PTPRG: variants seen among roughly 807,000 people sequenced by gnomAD.
The protein encoded by PTPRG is receptor-type tyrosine-protein phosphatase gamma.
Under a neutral mutation model 165.3 loss-of-function variants are expected in PTPRG, and 102 were observed. The ratio of observed to expected loss-of-function variants is 0.62; its 90% confidence interval spans 0.53 to 0.73. The LOEUF (loss-of-function observed/expected upper bound fraction) is 0.73. PTPRG is among the 30% of genes least tolerant of loss of function. PTPRG has a pLI of 0.00. For synonymous variants in PTPRG, 675 were observed against 669.5 expected (o/e 1.01, Z -0.13); for missense variants, 1,866 against 1,861.4 (o/e 1.00, Z -0.05).
At chr3:62,196,795 T>A (rs902931168) in intron 10 of PTPRG, among the ~76,000 whole-genome samples, 4 of 152,150 alleles carry the variant, frequency 2.6e-5, no homozygotes, top group African/African-American at 9.7e-5. Context: ...GCTTTTTGAG[T>A]TACAAATCTG....
intron 1 of PTPRG, among the ~76,000 whole-genome samples, chr3:61,647,791 CAAAAAAAA>C (rs58020589): frequency 2.5e-4 from 23 of 93,160 alleles, no homozygotes; most frequent in East Asian, 1.4e-3. Flanking sequence ...GACTCCGTCT[CAAAAAAAA>C]AAAAAAAAAA....
At chr3:61,726,052 G>A (rs2106811269) in intron 1 of PTPRG, among the ~76,000 whole-genome samples, 1 of 152,268 alleles carries the variant, frequency 6.6e-6, no homozygotes, top group Admixed American at 6.5e-5. Flanking sequence ...GCTTATGACT[G>A]GCTGGGATGA....
chr3:61,700,372 A>C (rs2030885782), intron 1 of PTPRG, among the ~76,000 whole-genome samples: 2 of 152,214 alleles, frequency 1.3e-5, no homozygotes. Context: ...AATGTTCCAC[A>C]GTAAGATTTC....
chr3:61,767,105 G>A (rs772057764), intron 2 of PTPRG, among the ~76,000 whole-genome samples: 2 of 151,482 alleles, frequency 1.3e-5, no homozygotes, highest in African/African-American at 2.4e-5. Flanking sequence ...TTAGCTGGGC[G>A]TGGTGGTGCA....
chr3:61,692,480 C>T lies in PTPRG; in HGVS notation c.86-56398C>T, dbSNP rs1006577583. ...TTTACAGTTTGGAAATTTTCATGCG[C>T]GTCCGTGTGAAGAGACCACCAAACA... On this transcript the variant is annotated intron_variant, in intron 1 of 29. Coordinates refer to ENST00000474889, the MANE Select transcript of PTPRG (RefSeq NM_002841.4). Among the ~76,000 whole-genome samples the T allele has an allele frequency of 3.9e-5, 6 of 152,232 alleles. 1 individual carries two copies. In the East Asian group the frequency reaches 5.8e-4, roughly 15 times the overall value.
At chr3:62,194,022 A>G (rs1258003767) in intron 9 of PTPRG, among the ~76,000 whole-genome samples, 1 of 151,988 alleles carries the variant, frequency 6.6e-6, no homozygotes, top group Non-Finnish European at 1.5e-5. Context: ...AGGGACCTGG[A>G]TTTGGCTAAT....
intron 8 of PTPRG, among the ~76,000 whole-genome samples, chr3:62,183,735 C>G (rs1172161049): frequency 6.6e-6 from 1 of 151,924 alleles, no homozygotes; most frequent in African/African-American, 2.4e-5. Flanking sequence ...TAGAGAGACC[C>G]GAAGGAGTTG....
chr3:61,633,822 T>C (rs1234085599), intron 1 of PTPRG, among the ~76,000 whole-genome samples: 1 of 152,088 alleles, frequency 6.6e-6, no homozygotes, highest in African/African-American at 2.4e-5. Context: ...TTGAGTATGA[T>C]GTTAGCTGTG....
At chr3:62,052,888 G>A (rs1236612087) in intron 4 of PTPRG, among the ~76,000 whole-genome samples, 1 of 152,120 alleles carries the variant, frequency 6.6e-6, no homozygotes, top group Non-Finnish European at 1.5e-5. Flanking sequence ...TTTACATGTT[G>A]ATAATTGCCT....
chr3:62,284,077 C>T (rs1043266775), intron 28 of PTPRG, among the ~76,000 whole-genome samples: 1 of 151,950 alleles, frequency 6.6e-6, no homozygotes, highest in Non-Finnish European at 1.5e-5. Context: ...TTCTAGAATT[C>T]CTGGGTTTTA....
chr3:62,011,457 A>T (rs893374062), intron 4 of PTPRG, among the ~76,000 whole-genome samples: 1 of 152,152 alleles, frequency 6.6e-6, no homozygotes. Context: ...CTCTTCATGG[A>T]GCGTGGACGT....
At chr3:62,020,972 G>A (rs1040476543) in intron 4 of PTPRG, among the ~76,000 whole-genome samples, 1 of 151,962 alleles carries the variant, frequency 6.6e-6, no homozygotes, top group African/African-American at 2.4e-5. Context: ...ACAGCACCTG[G>A]CCTCATCTAT....
At chr3:61,653,507 A>G (rs1702418361) in intron 1 of PTPRG, among the ~76,000 whole-genome samples, 1 of 151,500 alleles carries the variant, frequency 6.6e-6, no homozygotes, top group Non-Finnish European at 1.5e-5. Context: ...GTCCTCACGT[A>G]TTTATGTACA....
chr3:61,653,899 TGGGG>T (rs376056152), intron 1 of PTPRG, among the ~76,000 whole-genome samples: 1 of 146,320 alleles, frequency 6.8e-6, no homozygotes, highest in East Asian at 2.1e-4. Context: ...CGGGGAGCGG[TGGGG>T]GGCGCGGGGA....
intron 2 of PTPRG, among the ~76,000 whole-genome samples, chr3:61,979,767 A>C (rs2040595580): frequency 6.6e-6 from 1 of 152,202 alleles, no homozygotes; most frequent in Non-Finnish European, 1.5e-5. Context: ...ATAGCATTTA[A>C]TAGTTAATAT....
intron 1 of PTPRG, among the ~76,000 whole-genome samples, chr3:61,627,103 A>ATT (rs11411048): frequency 0.011 from 1,578 of 150,042 alleles, 29 homozygotes; most frequent in African/African-American, 0.032. Flanking sequence ...TTAAAAGCAA[A>ATT]TTTTTTTTTT....
At chr3:62,073,738 C>T (rs1483867133) in intron 4 of PTPRG, among the ~76,000 whole-genome samples, 1 of 152,170 alleles carries the variant, frequency 6.6e-6, no homozygotes, top group African/African-American at 2.4e-5. Flanking sequence ...ACCTTGGCCT[C>T]ACAAAGTGCT....
rs1436027876 is a variant in PTPRG at position 62,222,070 on chromosome 3, GA to G, written c.2288+3088del. 6.6e-6 allele frequency among the ~76,000 whole-genome samples: 1 copy of G among 152,222 alleles called. No individual in the cohort carries two copies. The highest frequency in any genetic ancestry group is 1.5e-5 in the Non-Finnish European group (1 of 68,044). ...ACATTCTTTGACCAAGGAAGAGAACGAGAACTCACATTTGTTGAAAGCCTGC... is the reference window on the plus strand; with the variant it reads ...ACATTCTTTGACCAAGGAAGAGAACGGAACTCACATTTGTTGAAAGCCTGC... On this transcript the variant is annotated intron_variant, in intron 13 of 29. Transcript: ENST00000474889. The surrounding 1 kb of genome is among the most constrained non-coding windows in gnomAD (Gnocchi z 4.5).
At chr3:62,083,954 C>T (rs1701663125) in intron 5 of PTPRG, among the ~76,000 whole-genome samples, 1 of 152,192 alleles carries the variant, frequency 6.6e-6, no homozygotes, top group African/African-American at 2.4e-5. Context: ...TTAAGGGGAA[C>T]ATCTCATTCA....
Sources: allele counts gnomAD v4.1 joint callset (sites outside exome capture counted in the v4.1 genomes callset), GRCh38; gene constraint gnomAD v4.1.1; non-coding constraint Gnocchi (gnomAD v3.1); transcripts MANE v1.5; gene names NCBI Gene and HGNC (gene_info 2026-07-23, HGNC 2026-07-21).